Variants in CCN4 observed in about 807,000 individuals in gnomAD.
CCN4 encodes cellular communication network factor 4.
Under a neutral mutation model 36.7 loss-of-function variants are expected in CCN4, and 30 were observed. The ratio of observed to expected loss-of-function variants is 0.82; its 90% CI spans 0.61 to 1.11. The LOEUF (loss-of-function observed/expected upper bound fraction) is 1.11, where lower values mean the gene tolerates loss of function less well. Among genes scored for constraint, CCN4 ranks in the 50% least tolerant of loss-of-function variants. CCN4 has a pLI of 0.00. For synonymous variants in CCN4, 191 were observed against 195.4 expected (o/e 0.98, Z 0.19); for missense variants, 505 against 504.9 (o/e 1.00, Z 0.00).
intron 2 of CCN4, among the ~76,000 whole-genome samples, chr8:133,213,529 T>A (rs1201327534): frequency 6.6e-6 from 1 of 152,008 alleles, no homozygotes; most frequent in East Asian, 1.9e-4. Flanking sequence ...TTTGGTAATA[T>A]TGTAAATTAA....
intron 1 of CCN4, among the ~76,000 whole-genome samples, chr8:133,198,208 G>T (rs1006527050): frequency 9.2e-5 from 14 of 152,194 alleles, no homozygotes; most frequent in African/African-American, 3.4e-4. Flanking sequence ...TCACGCTGCT[G>T]CTTCTCTAGA....
chr8:133,224,222 G>C (rs1421125009), intron 3 of CCN4, among the ~76,000 whole-genome samples: 2 of 102,712 alleles, frequency 1.9e-5, no homozygotes, highest in South Asian at 3.5e-4. Context: ...TTTGAAGCCC[G>C]TAAGTCCTTT....
chr8:133,223,024 G>A (rs1186551027), intron 3 of CCN4, among the ~76,000 whole-genome samples: 2 of 152,004 alleles, frequency 1.3e-5, no homozygotes, highest in East Asian at 3.9e-4. Flanking sequence ...CGCTCCCTCA[G>A]AGATGTGACA....
At chr8:133,218,924 C>G (rs1159746188) in intron 2 of CCN4, among the ~76,000 whole-genome samples, 1 of 152,186 alleles carries the variant, frequency 6.6e-6, no homozygotes, top group Non-Finnish European at 1.5e-5. Context: ...GAGCATCTTC[C>G]TCCTTCTCGA....
intron 1 of CCN4, among the ~76,000 whole-genome samples, chr8:133,208,609 C>T (rs1853869054): frequency 6.6e-6 from 1 of 152,222 alleles, no homozygotes; most frequent in Non-Finnish European, 1.5e-5. Context: ...CCAGGCTCTG[C>T]AGGCCCCAGG....
At chr8:133,197,102 G>A (rs1256031785) in intron 1 of CCN4, among the ~76,000 whole-genome samples, 1 of 152,124 alleles carries the variant, frequency 6.6e-6, no homozygotes, top group Non-Finnish European at 1.5e-5. Flanking sequence ...TGGTGGTGGT[G>A]GTGGTGGTGG....
intron 1 of CCN4, among the ~76,000 whole-genome samples, chr8:133,197,186 G>C (rs575104365): frequency 6.6e-6 from 1 of 152,168 alleles, no homozygotes; most frequent in African/African-American, 2.4e-5. Context: ...GTGAGTTTCT[G>C]AGCCTATTTC....
chr8:133,207,407 G>A (rs1310187226), intron 1 of CCN4, among the ~76,000 whole-genome samples: 1 of 152,220 alleles, frequency 6.6e-6, no homozygotes, highest in Non-Finnish European at 1.5e-5. Context: ...GCCTCTCCTT[G>A]AGCTCCCAGC....
chr8:133,225,533 C>T lies in CCN4; in HGVS notation c.754C>T (p.Arg252Cys), dbSNP rs370235023. ...NAQCWPEQES[R>C]LCNLRPCDVD... ...CCAGTGCTGGCCTGAGCAAGAGAGCCGCCTCTGCAACTTGCGGCCATGCGA... is the reference window on the plus strand; with the variant it reads ...CCAGTGCTGGCCTGAGCAAGAGAGCTGCCTCTGCAACTTGCGGCCATGCGA... Residue 252 changes from arginine (R) to cysteine (C), a missense_variant, in exon 4 of 5, where the codon CGC (arginine) becomes TGC (cysteine). By Grantham distance (180) the Arg-to-Cys change is radical. Transcript: ENST00000250160. 1.3e-5 allele frequency: 21 copies of T among 1,613,352 alleles called. No individual in the cohort carries two copies. Among genetic ancestry groups the T allele is most frequent in the African/African-American group, 4.0e-5 (3 of 75,038 alleles).
intron 1 of CCN4, among the ~76,000 whole-genome samples, chr8:133,196,566 A>G (rs1320750025): frequency 6.6e-6 from 1 of 152,142 alleles, no homozygotes; most frequent in East Asian, 1.9e-4. Context: ...AAGTGTGCCT[A>G]AGGCTATGAT....
chr8:133,193,528 G>A (rs566417760), intron 1 of CCN4, among the ~76,000 whole-genome samples: 2 of 152,286 alleles, frequency 1.3e-5, no homozygotes, highest in South Asian at 4.1e-4. Context: ...TGCATTTGTT[G>A]AGCATGTCCG....
chr8:133,223,742 C>CCTCCT (rs1854618960), intron 3 of CCN4, among the ~76,000 whole-genome samples: 1 of 152,022 alleles, frequency 6.6e-6, no homozygotes, highest in Admixed American at 6.6e-5. Flanking sequence ...CTGCCTGTTC[C>CCTCCT]CTCCTCTCCT....
At chr8:133,219,039 T>C (rs1854426626) in intron 2 of CCN4, among the ~76,000 whole-genome samples, 1 of 152,144 alleles carries the variant, frequency 6.6e-6, no homozygotes, top group Admixed American at 6.5e-5. Flanking sequence ...TTCAGACCGC[T>C]CTCTCCCACC....
rs985764164 is a variant in CCN4, at chr8:133,230,653, T to C, written c.*2943T>C. 6 of 152,236 alleles carry C rather than the reference T, an allele frequency of 3.9e-5. No individual in the cohort carries two copies. The highest frequency in any genetic ancestry group is 1.5e-5 in the Non-Finnish European group (1 of 68,036). The allele number at this position is 152,236 out of a possible 1,614,324, so 9.4% of individuals were successfully genotyped here. On this transcript the variant is annotated 3_prime_UTR_variant, in exon 5 of 5. Transcript: ENST00000250160. The stretch of plus-strand genomic sequence containing the variant: ...TATATGTTCTGAGACAAAGGAAAGC[T>C]ACCCTAAGGGTTAGTTAACCTTTGC...
chr8:133,197,268 G>A (rs1853424879), intron 1 of CCN4, among the ~76,000 whole-genome samples: 1 of 152,122 alleles, frequency 6.6e-6, no homozygotes, highest in African/African-American at 2.4e-5. Flanking sequence ...GTGGTGGTGA[G>A]TGGTCTCTCT....
chr8:133,225,556 C>A lies in CCN4; in HGVS notation c.777C>A (p.Cys259Ter), dbSNP rs1322519640. Residue 259 changes from cysteine (C) to a stop codon, truncating the protein, a stop_gained, in exon 4 of 5, where the codon TGC (cysteine) becomes TGA (stop). Transcript: ENST00000250160. LOFTEE classifies it high-confidence loss of function. ...QESRLCNLRP[C>*]DVDIHTLIKA... ...GCCGCCTCTGCAACTTGCGGCCATG[C>A]GATGTGGACATCCATACACTCATTA... 7 of 1,612,480 alleles carry A rather than the reference C, an allele frequency of 4.3e-6. No individual in the cohort carries two copies. Among genetic ancestry groups the A allele is most frequent in the East Asian group, 4.5e-5 (2 of 44,838 alleles).
At chr8:133,221,224 T>C (rs1233299347) in intron 3 of CCN4, among the ~76,000 whole-genome samples, 6 of 152,178 alleles carry the variant, frequency 3.9e-5, no homozygotes, top group African/African-American at 1.4e-4. Context: ...TCATGATGAT[T>C]TGGGGCTTCC....
At chr8:133,211,469 A>C (rs541195586) in intron 1 of CCN4, among the ~76,000 whole-genome samples, 2 of 152,360 alleles carry the variant, frequency 1.3e-5, no homozygotes, top group East Asian at 1.9e-4. Context: ...ATTAATTTGC[A>C]TCTTGGCCTT....
chr8:133,205,739 G>C (rs1216596647), intron 1 of CCN4, among the ~76,000 whole-genome samples: 1 of 152,186 alleles, frequency 6.6e-6, no homozygotes, highest in Non-Finnish European at 1.5e-5. Flanking sequence ...TGGGGTTTGA[G>C]GATGAGCCCC....
Sources: gnomAD v4.1 joint callset for allele counts (sites outside exome capture counted in the v4.1 genomes callset) on GRCh38, gnomAD v4.1.1 for gene constraint, MANE v1.5 for transcripts, NCBI Gene and HGNC (gene_info 2026-07-23, HGNC 2026-07-21) for gene names.